MARCHF1: variants seen among roughly 807,000 people sequenced by gnomAD.
The protein encoded by MARCHF1 is membrane associated ring-CH-type finger 1, also known as E3 ubiquitin-protein ligase MARCHF1.
In MARCHF1, 40 loss-of-function variants were observed where a neutral mutation model predicts 54.2. The observed-to-expected ratio is 0.74, with a 90% CI of 0.57 to 0.96. The LOEUF (loss-of-function observed/expected upper bound fraction) is 0.96, where lower values mean the gene tolerates loss of function less well. MARCHF1 is among the 40% of genes least tolerant of loss of function. The probability of loss-of-function intolerance (pLI) is 0.00; values close to 1 mark genes in which losing one functional copy is unlikely to be tolerated. For missense variants in MARCHF1, 586 were observed against 656.5 expected (o/e 0.89, Z 1.17); for synonymous variants, 236 against 236.3 (o/e 1.00, Z 0.01).
At chr4:164,219,941 A>G (rs1351240359) in intron 1 of MARCHF1, among the ~76,000 whole-genome samples, 1 of 151,914 alleles carries the variant, frequency 6.6e-6, no homozygotes, top group African/African-American at 2.4e-5. Flanking sequence ...TTACATATCA[A>G]TTTACAGATT....
chr4:163,717,211 T>C (rs1745291608), intron 4 of MARCHF1, among the ~76,000 whole-genome samples: 1 of 145,144 alleles, frequency 6.9e-6, no homozygotes, highest in African/African-American at 2.5e-5. Flanking sequence ...GTGTTCTCAT[T>C]GTTCAATTCC....
intron 2 of MARCHF1, among the ~76,000 whole-genome samples, chr4:164,028,628 T>C (rs1296564104): frequency 6.6e-6 from 1 of 152,174 alleles, no homozygotes; most frequent in East Asian, 1.9e-4. Flanking sequence ...TTGGGTACTA[T>C]GCTCACTACC....
intron 5 of MARCHF1, among the ~76,000 whole-genome samples, chr4:163,646,060 A>T (rs1742747644): frequency 6.7e-6 from 1 of 150,168 alleles, no homozygotes; most frequent in African/African-American, 2.5e-5. Flanking sequence ...TCCAAAGAAA[A>T]ATACTCTGAG....
At chr4:164,204,316 TA>T (rs1010191662) in intron 1 of MARCHF1, among the ~76,000 whole-genome samples, 7 of 152,110 alleles carry the variant, frequency 4.6e-5, no homozygotes, top group African/African-American at 1.2e-4. Context: ...AGCAGTCAAA[TA>T]AAAAAACTGT....
chr4:164,378,443 G>T (rs1219909453), intron 1 of MARCHF1, among the ~76,000 whole-genome samples: 1 of 152,234 alleles, frequency 6.6e-6, no homozygotes, highest in Non-Finnish European at 1.5e-5. Flanking sequence ...ACACTGAGAA[G>T]GAAGCTTCTG....
chr4:163,687,006 T>C (rs962004746), intron 5 of MARCHF1, among the ~76,000 whole-genome samples: 5 of 152,206 alleles, frequency 3.3e-5, no homozygotes, highest in Non-Finnish European at 7.3e-5. Context: ...ATTTTCAAAT[T>C]GTTTTTGGGC....
chr4:163,893,442 C>G (rs1036850446), intron 3 of MARCHF1, among the ~76,000 whole-genome samples: 1 of 152,068 alleles, frequency 6.6e-6, no homozygotes, highest in Non-Finnish European at 1.5e-5. Flanking sequence ...CCCTACCTGT[C>G]TTTTAGGGCT....
intron 5 of MARCHF1, among the ~76,000 whole-genome samples, chr4:163,689,455 G>A (rs1463649386): frequency 6.6e-6 from 1 of 152,206 alleles, no homozygotes; most frequent in Middle Eastern, 3.2e-3. Context: ...ATTGTCCAAT[G>A]TGGAAATCAC....
At chr4:163,605,925 A>G (rs951723169) in intron 7 of MARCHF1, among the ~76,000 whole-genome samples, 1 of 152,016 alleles carries the variant, frequency 6.6e-6, no homozygotes, top group Non-Finnish European at 1.5e-5. Context: ...GGGCTAGGGG[A>G]GGGATGGCAT....
chr4:163,538,750 C>T (rs1397735281), intron 9 of MARCHF1, among the ~76,000 whole-genome samples: 2 of 149,826 alleles, frequency 1.3e-5, no homozygotes, highest in African/African-American at 2.4e-5. Context: ...ATAGCTATTT[C>T]ATTTCCTTGA....
intron 1 of MARCHF1, among the ~76,000 whole-genome samples, chr4:164,125,055 C>A (rs1579554773): frequency 6.6e-6 from 1 of 152,042 alleles, no homozygotes; most frequent in Admixed American, 6.6e-5. Context: ...TATAGACCTA[C>A]TATGTACTCA....
At chr4:163,890,890 C>CA (rs1404604076) in intron 3 of MARCHF1, among the ~76,000 whole-genome samples, 71 of 150,904 alleles carry the variant, frequency 4.7e-4, no homozygotes, top group African/African-American at 9.2e-4. Context: ...TTTCAAACCT[C>CA]AGTTTTTTTT....
chr4:164,028,086 AC>A (rs1458535121), intron 2 of MARCHF1, among the ~76,000 whole-genome samples: 1 of 152,156 alleles, frequency 6.6e-6, no homozygotes, highest in Non-Finnish European at 1.5e-5. Context: ...TGCTGAGTAG[AC>A]TATGGAGAAA....
intron 1 of MARCHF1, among the ~76,000 whole-genome samples, chr4:164,332,184 T>C (rs973250346): frequency 6.6e-6 from 1 of 152,200 alleles, no homozygotes; most frequent in African/African-American, 2.4e-5. Context: ...GTCAGGTCTT[T>C]TTTATTTGTC....
chr4:163,533,104 A>G (rs1316205442), intron 9 of MARCHF1, among the ~76,000 whole-genome samples: 1 of 152,036 alleles, frequency 6.6e-6, no homozygotes, highest in Non-Finnish European at 1.5e-5. Flanking sequence ...GGAAATACCA[A>G]GTGGTTTTTC....
chr4:163,632,457 C>T (rs911849045), intron 5 of MARCHF1, among the ~76,000 whole-genome samples: 1 of 152,088 alleles, frequency 6.6e-6, no homozygotes, highest in Non-Finnish European at 1.5e-5. Context: ...TCAGGGAGTT[C>T]CCTTTCCTAA....
intron 3 of MARCHF1, among the ~76,000 whole-genome samples, chr4:163,901,899 G>A (rs891617643): frequency 6.6e-6 from 1 of 152,052 alleles, no homozygotes; most frequent in Non-Finnish European, 1.5e-5. Context: ...AAAAGCCCTG[G>A]CTGTTTAAAA....
intron 4 of MARCHF1, among the ~76,000 whole-genome samples, chr4:163,779,620 C>T (rs1406501835): frequency 6.6e-6 from 1 of 151,948 alleles, no homozygotes; most frequent in Admixed American, 6.6e-5. Flanking sequence ...TGCACCATAA[C>T]CAACAGTCCA....
chr4:163,613,950 T>C (rs1741434603), intron 5 of MARCHF1, among the ~76,000 whole-genome samples: 1 of 152,128 alleles, frequency 6.6e-6, no homozygotes, highest in Non-Finnish European at 1.5e-5. Flanking sequence ...CTATTGGCCT[T>C]TCATATCTTT....
Sources: allele counts gnomAD v4.1 joint callset (sites outside exome capture counted in the v4.1 genomes callset), GRCh38; gene constraint gnomAD v4.1.1; transcripts MANE v1.5; gene names NCBI Gene and HGNC (gene_info 2026-07-23, HGNC 2026-07-21).